The following ARFIP1 variants were observed in gnomAD, a reference collection of about 807,000 sequenced individuals.
ARFIP1 encodes the protein ARF interacting protein 1.
Under a neutral mutation model 42.5 loss-of-function variants are expected in ARFIP1, and 24 were observed. The observed-to-expected ratio is 0.57, with a 90% CI of 0.41 to 0.80. The LOEUF is 0.80. ARFIP1 is among the 30% of genes least tolerant of loss of function. The pLI is 0.00. For synonymous variants in ARFIP1, 141 were observed against 153.7 expected (o/e 0.92, Z 0.61); for missense variants, 354 against 434.0 (o/e 0.82, Z 1.64).
rs114634236 is a variant in ARFIP1, at chr4:152,794,648, C to T, written c.-10+14422C>T. 5.4e-3 allele frequency among the ~76,000 whole-genome samples: 826 copies of T among 152,256 alleles called. 7 individuals are homozygous for T. The highest frequency in any genetic ancestry group is 0.018 in the African/African-American group (755 of 41,554). On this transcript the variant is annotated intron_variant, in intron 1 of 8. Transcript: ENST00000353617. ...TCAAACTATTGCTCTCTAATTTTAG[C>T]ATCTCTCAAGTGGATCTTGTCTGCA...
At chr4:152,875,028 T>G (rs1212553183) in intron 5 of ARFIP1, among the ~76,000 whole-genome samples, 1 of 152,192 alleles carries the variant, frequency 6.6e-6, no homozygotes, top group East Asian at 1.9e-4. Context: ...TCATGCTTTC[T>G]ACCTTTAATT....
At chr4:152,889,829 C>T (rs1474509840) in intron 8 of ARFIP1, among the ~76,000 whole-genome samples, 2 of 85,328 alleles carry the variant, frequency 2.3e-5, no homozygotes, top group African/African-American at 9.0e-5. Context: ...ACTATATATA[C>T]TATATACTAT....
chr4:152,826,748 C>T (rs1254465673), intron 1 of ARFIP1, among the ~76,000 whole-genome samples: 1 of 152,166 alleles, frequency 6.6e-6, no homozygotes, highest in East Asian at 1.9e-4. Flanking sequence ...TGTAGCAGCA[C>T]TGTTCACAAT....
chr4:152,873,197 C>T (rs1210602407), intron 5 of ARFIP1, among the ~76,000 whole-genome samples: 2 of 152,124 alleles, frequency 1.3e-5, no homozygotes, highest in South Asian at 2.1e-4. Flanking sequence ...CTGTAGAATT[C>T]GTGGAATAGT....
intron 2 of ARFIP1, among the ~76,000 whole-genome samples, chr4:152,830,370 A>G (rs1237418910): frequency 5.3e-5 from 8 of 152,152 alleles, no homozygotes; most frequent in Non-Finnish European, 8.8e-5. Context: ...TTTCATGAAG[A>G]TATTAATATT....
chr4:152,879,196 A>G (rs1013285242), intron 5 of ARFIP1, among the ~76,000 whole-genome samples: 4 of 151,926 alleles, frequency 2.6e-5, no homozygotes. Flanking sequence ...AAAAAAAAAA[A>G]GTTTATAAGG....
At chr4:152,808,762 GT>G (rs575862018) in intron 1 of ARFIP1, among the ~76,000 whole-genome samples, 118 of 152,150 alleles carry the variant, frequency 7.8e-4, no homozygotes, top group African/African-American at 2.8e-3. Context: ...CAATGCTAAG[GT>G]TTTCTGTGTG....
intron 1 of ARFIP1, chr4:152,807,385 A>G (rs970484957): frequency 2.0e-5 from 3 of 152,202 alleles, no homozygotes; most frequent in Non-Finnish European, 4.4e-5. Flanking sequence ...TGCATTTCCT[A>G]CATTCATGTA....
intron 2 of ARFIP1, among the ~76,000 whole-genome samples, chr4:152,831,779 A>T (rs537202462): frequency 3.3e-5 from 5 of 151,678 alleles, no homozygotes; most frequent in South Asian, 2.1e-4. Context: ...CTTTTTTTTT[A>T]AATTTTAAGT....
intron 1 of ARFIP1, among the ~76,000 whole-genome samples, chr4:152,811,928 C>A (rs1217211740): frequency 6.6e-6 from 1 of 152,122 alleles, no homozygotes; most frequent in Non-Finnish European, 1.5e-5. Context: ...CAAAATGGGT[C>A]ATTCTTTGTA....
chr4:152,872,328 T>C, intron 4 of ARFIP1, 124 bp from the exon 5 acceptor site: 1 of 599,552 alleles, frequency 1.7e-6, no homozygotes. Context: ...TTCTTTACTT[T>C]GTGGGAACCT....
intron 5 of ARFIP1, among the ~76,000 whole-genome samples, chr4:152,877,790 A>G (rs111616089): frequency 0.016 from 2,416 of 152,204 alleles, 62 homozygotes; most frequent in African/African-American, 0.055. Flanking sequence ...GTGATGGTGA[A>G]TCAGTCTCAC....
chr4:152,877,992 G>T (rs377426403), intron 5 of ARFIP1, among the ~76,000 whole-genome samples: 5 of 152,220 alleles, frequency 3.3e-5, no homozygotes, highest in African/African-American at 1.2e-4. Flanking sequence ...CATGAAAATG[G>T]ACTAATACAC....
Position 152,820,164 on chromosome 4 carries a change from C to T in ARFIP1, c.-9-9461C>T, listed in dbSNP as rs78725448. Among the ~76,000 whole-genome samples the T allele has an allele frequency of 1.6e-3, 248 of 152,174 alleles. 8 individuals are homozygous for T. The East Asian group carries it at 0.039, about 24-fold the overall frequency. ...CAAAGAAGACCTCAGTGCATTTCACCGAGAGCTTCCACAGCCACTTCTGTC... is the reference window on the plus strand; with the variant it reads ...CAAAGAAGACCTCAGTGCATTTCACTGAGAGCTTCCACAGCCACTTCTGTC... On this transcript the variant is annotated intron_variant, in intron 1 of 8. Coordinates refer to ENST00000353617, the MANE Select transcript of ARFIP1 (RefSeq NM_001025595.3).
At chr4:152,792,039 G>C (rs1442822501) in intron 1 of ARFIP1, among the ~76,000 whole-genome samples, 1 of 152,044 alleles carries the variant, frequency 6.6e-6, no homozygotes, top group Non-Finnish European at 1.5e-5. Context: ...TTCATCAAAA[G>C]TGAAAGAAAT....
chr4:152,863,841 T>A, intron 3 of ARFIP1, 127 bp downstream of exon 3: 1 of 563,306 alleles, frequency 1.8e-6, no homozygotes, highest in African/African-American at 1.9e-5. Context: ...TGATTATAAA[T>A]GTATTCCTTT....
At chr4:152,793,355 T>C (rs910523422) in intron 1 of ARFIP1, among the ~76,000 whole-genome samples, 2 of 148,384 alleles carry the variant, frequency 1.3e-5, no homozygotes, top group Non-Finnish European at 3.0e-5. Flanking sequence ...ATATATATAA[T>C]ATTTAGTACC....
rs1730728204 is a variant in ARFIP1, at chr4:152,785,173, CT to C, written c.-10+4948del. On this transcript the variant is annotated intron_variant, in intron 1 of 8. Coordinates refer to ENST00000353617, the MANE Select transcript of ARFIP1 (RefSeq NM_001025595.3). Reference sequence around the variant, plus strand: ...ACATCTGTAATCCATTCTTGGCACACTGTTTGGAAATCTTTGCCCTAGAGAA... The same window carrying C: ...ACATCTGTAATCCATTCTTGGCACACGTTTGGAAATCTTTGCCCTAGAGAA... Among the ~76,000 whole-genome samples, 6 of 152,326 alleles carry C rather than the reference CT, an allele frequency of 3.9e-5. No individual in the cohort carries two copies. In the East Asian group the frequency reaches 1.2e-3, roughly 29 times the overall value.
intron 2 of ARFIP1, among the ~76,000 whole-genome samples, chr4:152,831,276 C>T (rs1578888453): frequency 6.6e-6 from 1 of 152,160 alleles, no homozygotes; most frequent in Admixed American, 6.6e-5. Context: ...CTGCTCTGTA[C>T]CAGGTACTGG....
Sources: gnomAD v4.1 joint callset for allele counts (sites outside exome capture counted in the v4.1 genomes callset) on GRCh38, gnomAD v4.1.1 for gene constraint, MANE v1.5 for transcripts, NCBI Gene and HGNC (gene_info 2026-07-23, HGNC 2026-07-21) for gene names.